PCTP: variants seen among roughly 807,000 people sequenced by gnomAD.
PCTP encodes the protein START domain-containing protein 2.
A neutral mutation model predicts 31.0 loss-of-function variants in PCTP; 27 were observed. That is an observed-to-expected ratio of 0.87 (90% CI 0.64 to 1.20). The LOEUF (loss-of-function observed/expected upper bound fraction) is 1.20, where lower values mean the gene tolerates loss of function less well. Ranked by LOEUF, PCTP falls within the 50% of genes most tolerant of loss-of-function variation. The pLI, the probability that PCTP is intolerant of heterozygous loss-of-function variation, is 0.00. For missense variants in PCTP, 287 were observed against 268.2 expected, an observed-to-expected ratio of 1.07 and a Z score of -0.49; for synonymous variants, 108 against 101.2, an observed-to-expected ratio of 1.07 and a Z score of -0.40.
intron 5 of PCTP, among the ~76,000 whole-genome samples, chr17:55,829,665 C>G (rs1280106573): frequency 6.6e-6 from 1 of 150,858 alleles, no homozygotes; most frequent in Non-Finnish European, 1.5e-5. Context: ...ACTACTTCAT[C>G]TATACAGTTT....
exon 4 of PCTP, chr17:55,822,948 GT>G: frequency 1.7e-6 from 1 of 591,812 alleles, no homozygotes; most frequent in Non-Finnish European, 2.5e-6. Flanking sequence ...TTATCTCATT[GT>G]TTTTTCTCAT....
intron 2 of PCTP, among the ~76,000 whole-genome samples, chr17:55,767,662 T>A (rs1910749030): frequency 6.6e-6 from 1 of 151,748 alleles, no homozygotes. Context: ...ACAGGGTTTC[T>A]CCATGTTAGT....
chr17:55,846,016 C>T (rs1906143323), downstream of PCTP, among the ~76,000 whole-genome samples: 1 of 151,268 alleles, frequency 6.6e-6, no homozygotes, highest in African/African-American at 2.4e-5. Context: ...ATAGCCTGTT[C>T]CTCTCTGTAG....
chr17:55,783,946 G>A (rs943248122), intron 2 of PCTP, among the ~76,000 whole-genome samples: 2 of 152,128 alleles, frequency 1.3e-5, no homozygotes, highest in African/African-American at 4.8e-5. Flanking sequence ...TTGAGTAATC[G>A]CTGAAGCTCC....
At chr17:55,792,825 T>G (rs1168404193) in intron 3 of PCTP, among the ~76,000 whole-genome samples, 1 of 152,180 alleles carries the variant, frequency 6.6e-6, no homozygotes, top group African/African-American at 2.4e-5. Context: ...CAGAGCTTTA[T>G]GTATGGATCT....
At chr17:55,799,170 T>C (rs1912285445) in intron 3 of PCTP, among the ~76,000 whole-genome samples, 1 of 151,902 alleles carries the variant, frequency 6.6e-6, no homozygotes, top group Admixed American at 6.6e-5. Flanking sequence ...AATATATCAA[T>C]AATATCCTGA....
At chr17:55,785,475 TA>T (rs1253480274) in intron 2 of PCTP, among the ~76,000 whole-genome samples, 2 of 152,246 alleles carry the variant, frequency 1.3e-5, no homozygotes, top group Non-Finnish European at 1.5e-5. Context: ...AACTGCAAGA[TA>T]ATACTGTTTT....
chr17:55,789,518 G>A (rs1420311045), intron 3 of PCTP, among the ~76,000 whole-genome samples: 2 of 152,160 alleles, frequency 1.3e-5, no homozygotes, highest in African/African-American at 2.4e-5. Flanking sequence ...CCTAATTGCT[G>A]TGTCTGCAAT....
At chr17:55,791,963 A>G (rs1911999522) in intron 3 of PCTP, among the ~76,000 whole-genome samples, 1 of 151,988 alleles carries the variant, frequency 6.6e-6, no homozygotes, top group African/African-American at 2.4e-5. Flanking sequence ...ACACCATGGA[A>G]TACTATGCAG....
intron 3 of PCTP, among the ~76,000 whole-genome samples, chr17:55,789,706 C>A (rs943438723): frequency 7.2e-5 from 11 of 152,124 alleles, no homozygotes; most frequent in African/African-American, 2.2e-4. Context: ...GGATTCACAG[C>A]CGAATTCTAC....
chr17:55,824,436 A>G (rs952584531), downstream of PCTP, among the ~76,000 whole-genome samples: 1 of 152,208 alleles, frequency 6.6e-6, no homozygotes, highest in African/African-American at 2.4e-5. Context: ...ATCTCAGTGC[A>G]TGTCTCAAAT....
rs1597991311 is a variant in PCTP, at chr17:55,777,030, C to T, written c.*930C>T. The T allele has an allele frequency of 1.0e-6, 1 of 985,812 alleles. No individual in the cohort carries two copies. The highest frequency in any genetic ancestry group is 5.2e-4 in the Middle Eastern group (1 of 1,914). 61.1% of individuals were successfully genotyped at this position (985,812 alleles called of 1,614,324 possible). Reference sequence around the variant, plus strand: ...GAAATGTAGAAGGGATAACAGTTCACAGCCAGGTAAAATTTAACTGGTGGC... The same window carrying T: ...GAAATGTAGAAGGGATAACAGTTCATAGCCAGGTAAAATTTAACTGGTGGC... On this transcript the variant is annotated 3_prime_UTR_variant, in exon 6 of 6. Coordinates refer to ENST00000268896, the MANE Select transcript of PCTP (RefSeq NM_021213.4).
chr17:55,822,214 G>A (rs537381437), intron 3 of PCTP, among the ~76,000 whole-genome samples: 1 of 152,346 alleles, frequency 6.6e-6, no homozygotes, highest in Non-Finnish European at 1.5e-5. Flanking sequence ...ATTTGGATGA[G>A]TTTTGGGAAA....
Position 55,776,779 on chromosome 17 carries a change from A to C in PCTP, c.*679A>C. On this transcript the variant is annotated 3_prime_UTR_variant, in exon 6 of 6. Transcript: ENST00000268896. ...TCAGAGGCCTGACCGGACACATAAT[A>C]TGACAACCACATTTTTCCTCATCAT... 9.0e-7 allele frequency: 1 copy of C among 1,112,650 alleles called. No individual in the cohort carries two copies. The highest frequency in any genetic ancestry group is 1.1e-6 in the Non-Finnish European group (1 of 912,720). 68.9% of individuals were successfully genotyped at this position (1,112,650 alleles called of 1,614,324 possible).
At chr17:55,844,979 C>T (rs1242585909), downstream of PCTP, among the ~76,000 whole-genome samples, 1 of 145,140 alleles carries the variant, frequency 6.9e-6, no homozygotes, top group Non-Finnish European at 1.5e-5. Flanking sequence ...CCCAGCTACT[C>T]GGGAGGCTGA....
At chr17:55,827,175 T>C (rs769071165), downstream of PCTP, among the ~76,000 whole-genome samples, 11 of 152,174 alleles carry the variant, frequency 7.2e-5, no homozygotes, top group Admixed American at 1.3e-4. Flanking sequence ...ACCTGTGACT[T>C]CTTTCATGCA....
chr17:55,818,081 T>C (rs1053953966), intron 3 of PCTP, among the ~76,000 whole-genome samples: 13 of 152,308 alleles, frequency 8.5e-5, no homozygotes, highest in Admixed American at 4.6e-4. Context: ...AGAAAGACTT[T>C]TCATGAGAAA....
At chr17:55,754,025 A>G (rs1909858057) in intron 1 of PCTP, among the ~76,000 whole-genome samples, 1 of 152,196 alleles carries the variant, frequency 6.6e-6, no homozygotes, top group Non-Finnish European at 1.5e-5. Context: ...CAACATCACC[A>G]ACAACACAGA....
chr17:55,816,167 C>T (rs1387303393), intron 3 of PCTP, among the ~76,000 whole-genome samples: 2 of 152,126 alleles, frequency 1.3e-5, no homozygotes, highest in South Asian at 4.2e-4. Context: ...TTATTATATT[C>T]ACAGACTTGG....
Sources: gnomAD v4.1 joint callset for allele counts (sites outside exome capture counted in the v4.1 genomes callset) on GRCh38, gnomAD v4.1.1 for gene constraint, MANE v1.5 for transcripts, NCBI Gene and HGNC (gene_info 2026-07-23, HGNC 2026-07-21) for gene names.